GALNT18: variants seen among roughly 807,000 people sequenced by gnomAD.
The protein encoded by GALNT18 is polypeptide N-acetylgalactosaminyltransferase 18.
Under a neutral mutation model 69.5 loss-of-function variants are expected in GALNT18, and 44 were observed. That is an observed-to-expected ratio of 0.63 (90% CI 0.50 to 0.81). GALNT18 has a LOEUF of 0.81. Among genes scored for constraint, GALNT18 ranks in the 40% least tolerant of loss-of-function variants. The pLI, the probability that GALNT18 is intolerant of heterozygous loss-of-function variation, is 0.00. For missense variants in GALNT18, 715 were observed against 810.0 expected (o/e 0.88, Z 1.42); for synonymous variants, 364 against 318.2 (o/e 1.14, Z -1.53).
chr11:11,306,565 C>T (rs1012937857), intron 9 of GALNT18, among the ~76,000 whole-genome samples: 5 of 152,148 alleles, frequency 3.3e-5, no homozygotes, highest in Non-Finnish European at 7.3e-5. Context: ...ATGTTACAGA[C>T]CTCAGATAGC....
At chr11:11,365,404 C>T (rs1850741984) in intron 6 of GALNT18, among the ~76,000 whole-genome samples, 2 of 152,170 alleles carry the variant, frequency 1.3e-5, no homozygotes, top group African/African-American at 4.8e-5. Context: ...CATTGACAGG[C>T]ATTTGGGTTG....
At position 11,408,364 on chromosome 11, in the gene GALNT18, C is replaced by CA. The variant is rs57957956; in HGVS notation, c.595+24256dup. 6.2e-3 allele frequency among the ~76,000 whole-genome samples: 441 copies of CA among 70,780 alleles called. 9 individuals carry two copies. Among genetic ancestry groups the CA allele is most frequent in the East Asian group, 0.016 (52 of 3,152 alleles). The allele number at this position is 70,780 out of a possible 152,430, so 46.4% of individuals were successfully genotyped here. On this transcript the variant is annotated intron_variant, in intron 3 of 10. Coordinates refer to ENST00000227756, the MANE Select transcript of GALNT18 (RefSeq NM_198516.3). ...TGAGTGACAGAGCAAGACTTCATCT[C>CA]AAAAAAAAAAAAAAAAAAAAAAAAA...
intron 1 of GALNT18, among the ~76,000 whole-genome samples, chr11:11,467,106 G>A (rs1376178178): frequency 6.6e-6 from 1 of 152,186 alleles, no homozygotes; most frequent in African/African-American, 2.4e-5. Context: ...GGCCCGGGAG[G>A]CAGGAGGCCC....
At chr11:11,531,842 TA>T (rs1857655625) in intron 1 of GALNT18, among the ~76,000 whole-genome samples, 1 of 152,212 alleles carries the variant, frequency 6.6e-6, no homozygotes. Context: ...TCCTTTCAGG[TA>T]AACAATTTGG....
chr11:11,404,787 C>T lies in GALNT18; in HGVS notation c.596-25523G>A, dbSNP rs1160402783. On this transcript the variant is annotated intron_variant, in intron 3 of 10. Coordinates refer to ENST00000227756, the MANE Select transcript of GALNT18 (RefSeq NM_198516.3). This position sits in a 1 kb window ranked among gnomAD's most constrained non-coding sequence, Gnocchi z 4.5. ...AGCCCCGCACAGACCCTGACCATAC[C>T]CTGGCGACTCCATCAGCTATGATTT... Among the ~76,000 whole-genome samples, 1 of 152,138 alleles carries T rather than the reference C, an allele frequency of 6.6e-6. No homozygotes were observed. Among genetic ancestry groups the T allele is most frequent in the African/African-American group, 2.4e-5 (1 of 41,414 alleles).
At chr11:11,276,743 G>A (rs535537341) in intron 10 of GALNT18, among the ~76,000 whole-genome samples, 120 of 152,258 alleles carry the variant, frequency 7.9e-4, no homozygotes, top group African/African-American at 2.8e-3. Flanking sequence ...TTTATGGAAG[G>A]CCTTTTCTGC....
intron 1 of GALNT18, among the ~76,000 whole-genome samples, chr11:11,486,000 G>A (rs188332227): frequency 2.0e-5 from 3 of 152,318 alleles, no homozygotes. Context: ...TATCAGCACA[G>A]TGAGAGCATC....
At chr11:11,292,724 G>A (rs1849324375) in intron 10 of GALNT18, among the ~76,000 whole-genome samples, 1 of 152,162 alleles carries the variant, frequency 6.6e-6, no homozygotes, top group East Asian at 1.9e-4. Context: ...CCATCTCTGA[G>A]CCTCAGTTTC....
rs570679657 is a variant in GALNT18 at position 11,341,942 on chromosome 11, T to C, written c.1093-938A>G. On this transcript the variant is annotated intron_variant, in intron 6 of 10. Transcript: ENST00000227756. This position sits in a 1 kb window ranked among gnomAD's most constrained non-coding sequence, Gnocchi z 6.3. ...TGTGAGACAAGCCTGGGCAACATAG[T>C]GAGATCCTGTCTCTAAAACATTAAA... Among the ~76,000 whole-genome samples the C allele has an allele frequency of 6.7e-4, 102 of 151,480 alleles. No homozygotes were observed. Among genetic ancestry groups the C allele is most frequent in the Non-Finnish European group, 1.3e-3 (88 of 67,890 alleles).
chr11:11,558,035 G>A (rs760247800), intron 1 of GALNT18, among the ~76,000 whole-genome samples: 2 of 152,178 alleles, frequency 1.3e-5, no homozygotes, highest in Non-Finnish European at 2.9e-5. Context: ...GGATGGGCAC[G>A]CATCTCTGCC....
intron 1 of GALNT18, among the ~76,000 whole-genome samples, chr11:11,556,342 C>T (rs1343112980): frequency 6.6e-6 from 1 of 152,202 alleles, no homozygotes; most frequent in African/African-American, 2.4e-5. Flanking sequence ...TACCGGGCAG[C>T]CGTGACAGTA....
chr11:11,489,531 C>T (rs946567357), intron 1 of GALNT18, among the ~76,000 whole-genome samples: 39 of 152,138 alleles, frequency 2.6e-4, no homozygotes, highest in African/African-American at 8.9e-4. Flanking sequence ...GCAGGTCGCT[C>T]CCTAGAGAGA....
chr11:11,501,107 T>A (rs372810308), intron 1 of GALNT18, among the ~76,000 whole-genome samples: 2 of 152,222 alleles, frequency 1.3e-5, no homozygotes, highest in African/African-American at 2.4e-5. Context: ...CCTATTGAAC[T>A]GTTTAAGTGT....
chr11:11,383,840 T>TCTGTCTCTCTCTCCCTCTCTCTCC lies in GALNT18; in HGVS notation c.596-4577_596-4576insGGAGAGAGAGGGAGAGAGAGACAG, dbSNP rs60250618. Among the ~76,000 whole-genome samples, 1 of 151,696 alleles carries TCTGTCTCTCTCTCCCTCTCTCTCC rather than the reference T, an allele frequency of 6.6e-6. No homozygotes were observed. Among genetic ancestry groups the TCTGTCTCTCTCTCCCTCTCTCTCC allele is most frequent in the Non-Finnish European group, 1.5e-5 (1 of 67,946 alleles). On this transcript the variant is annotated intron_variant, in intron 3 of 10. Transcript: ENST00000227756. The surrounding 1 kb of genome is among the most constrained non-coding windows in gnomAD (Gnocchi z 5.2). ...TCCTCTCTCTCTCTCTCTCTCTCTC[T>TCTGTCTCTCTCTCCCTCTCTCTCC]GTCTCTCTCTCCCTCTCTCTCCTGC...
chr11:11,592,229 A>ACT lies in GALNT18; in HGVS notation c.235+29128_235+29129dup, dbSNP rs1859375383. ...CTGGCAGGCGTTTTTCTATTTAATGACTCTAAAGAGACAGAAAAGCTTTAA... is the reference window on the plus strand; with the variant it reads ...CTGGCAGGCGTTTTTCTATTTAATGACTCTCTAAAGAGACAGAAAAGCTTTAA... On this transcript the variant is annotated intron_variant, in intron 1 of 10. Coordinates refer to ENST00000227756, the MANE Select transcript of GALNT18 (RefSeq NM_198516.3). This position sits in a 1 kb window ranked among gnomAD's most constrained non-coding sequence, Gnocchi z 5.9. Among the ~76,000 whole-genome samples, 1 of 152,148 alleles carries ACT rather than the reference A, an allele frequency of 6.6e-6. No individual in the cohort carries two copies. The highest frequency in any genetic ancestry group is 1.5e-5 in the Non-Finnish European group (1 of 68,030).
At chr11:11,287,565 C>T (rs1244831519) in intron 10 of GALNT18, among the ~76,000 whole-genome samples, 2 of 152,160 alleles carry the variant, frequency 1.3e-5, no homozygotes, top group African/African-American at 2.4e-5. Context: ...AGAAATCCAT[C>T]ACTGAATCCC....
chr11:11,583,033 T>C lies in GALNT18; in HGVS notation c.235+38326A>G, dbSNP rs1859123931. ...ATGAGAGGCATGGGACTCTAAGTCC[T>C]GCCAACACTCAACTCAGGAAGGTCG... On this transcript the variant is annotated intron_variant, in intron 1 of 10. Coordinates refer to ENST00000227756, the MANE Select transcript of GALNT18 (RefSeq NM_198516.3). This position sits in a 1 kb window ranked among gnomAD's most constrained non-coding sequence, Gnocchi z 4.7. 6.6e-6 allele frequency among the ~76,000 whole-genome samples: 1 copy of C among 152,220 alleles called. No individual in the cohort carries two copies. The highest frequency in any genetic ancestry group is 1.5e-5 in the Non-Finnish European group (1 of 68,032).
intron 1 of GALNT18, among the ~76,000 whole-genome samples, chr11:11,457,018 G>A (rs187769669): frequency 3.4e-4 from 52 of 152,348 alleles, no homozygotes; most frequent in African/African-American, 1.0e-3. Context: ...AGCTCTGAGC[G>A]TTGTGCATGG....
chr11:11,410,316 G>A (rs1001684091), intron 3 of GALNT18, among the ~76,000 whole-genome samples: 1 of 152,040 alleles, frequency 6.6e-6, no homozygotes, highest in African/African-American at 2.4e-5. Context: ...TGATGAAACT[G>A]CTCAAATTAC....
Sources: allele counts gnomAD v4.1 joint callset (sites outside exome capture counted in the v4.1 genomes callset), GRCh38; gene constraint gnomAD v4.1.1; non-coding constraint Gnocchi (gnomAD v3.1); transcripts MANE v1.5; gene names NCBI Gene and HGNC (gene_info 2026-07-23, HGNC 2026-07-21).